BTD: variants seen among roughly 807,000 people sequenced by gnomAD.
BTD encodes biocytinase.
A neutral mutation model predicts 17.7 loss-of-function variants in BTD; 13 were observed. The ratio of observed to expected loss-of-function variants is 0.74; its 90% CI spans 0.48 to 1.17. The LOEUF (loss-of-function observed/expected upper bound fraction) is 1.17, where lower values mean the gene tolerates loss of function less well. Ranked by LOEUF, BTD falls within the 50% of genes most tolerant of loss-of-function variation. BTD has a pLI of 0.00. For missense variants in BTD, 674 were observed against 650.4 expected, an observed-to-expected ratio of 1.04 and a Z score of -0.39; for synonymous variants, 240 against 245.2, an observed-to-expected ratio of 0.98 and a Z score of 0.20.
chr3:15,687,931 C>A (rs1270715598), intron 3 of BTD, among the ~76,000 whole-genome samples: 1 of 152,138 alleles, frequency 6.6e-6, no homozygotes, highest in Non-Finnish European at 1.5e-5. Flanking sequence ...GACTGGTAAA[C>A]CTCCAGGAAA....
Position 15,712,088 on chromosome 3 carries a change from A to C in BTD, c.*2014A>C. On this transcript the variant is annotated 3_prime_UTR_variant, in exon 4 of 4. Transcript: ENST00000672141. ...AAAAGCAGGATAGAGACCATCTAAA[A>C]ATTTTGAGGGGTTTGAGGAGACATA... The C allele has an allele frequency of 2.8e-6, 4 of 1,420,280 alleles. No individual in the cohort carries two copies. In the South Asian group the frequency reaches 3.7e-5, roughly 13 times the overall value. The allele number at this position is 1,420,280 out of a possible 1,614,324, so 88.0% of individuals were successfully genotyped here. A position where few individuals can be genotyped will look rare whatever the true frequency, so the allele number is the denominator to read the frequency against.
Position 15,611,199 on chromosome 3 carries a change from T to C in BTD, c.-17+9305T>C, listed in dbSNP as rs1423478160. On this transcript the variant is annotated intron_variant, in intron 1 of 3. Coordinates refer to ENST00000643237, the MANE Select transcript of BTD (RefSeq NM_001370658.1). ...CGTCCACACATGGGCCAAAGCAATT[T>C]AAATAGGAGTCACTGGGCAGGGCTT... Among the ~76,000 whole-genome samples the C allele has an allele frequency of 2.0e-5, 3 of 152,128 alleles. No individual in the cohort carries two copies. The East Asian group carries it at 5.8e-4, about 29-fold the overall frequency.
At position 15,645,760 on chromosome 3, in the gene BTD, T is replaced by C; in HGVS notation, c.*272T>C. The C allele has an allele frequency of 2.3e-6, 1 of 443,392 alleles. No individual in the cohort carries two copies. Among genetic ancestry groups the C allele is most frequent in the East Asian group, 4.0e-5 (1 of 25,114 alleles). The allele number at this position is 443,392 out of a possible 1,614,324, so 27.5% of individuals were successfully genotyped here. A position where few individuals can be genotyped will look rare whatever the true frequency, so the allele number is the denominator to read the frequency against. On this transcript the variant is annotated 3_prime_UTR_variant, in exon 4 of 4. Coordinates refer to ENST00000643237, the MANE Select transcript of BTD (RefSeq NM_001370658.1). ...CATCTTCCTCTAACAAATCTCTCAG[T>C]ATGCGATTGGTCTCAAGCTAAAACA...
intron 1 of BTD, among the ~76,000 whole-genome samples, chr3:15,606,042 C>CAA (rs11369757): frequency 0.016 from 1,037 of 64,268 alleles, 48 homozygotes; most frequent in African/African-American, 0.042. Flanking sequence ...GACCCTGTCT[C>CAA]AAAAAAAAAA....
intron 3 of BTD, among the ~76,000 whole-genome samples, chr3:15,671,589 GT>G (rs1266007505): frequency 7.5e-4 from 100 of 133,890 alleles, no homozygotes; most frequent in Non-Finnish European, 8.1e-4. Context: ...TTTTTTTTTT[GT>G]TTTTTTTTTT....
chr3:15,683,100 G>A (rs930729673), intron 3 of BTD, among the ~76,000 whole-genome samples: 9 of 152,100 alleles, frequency 5.9e-5, no homozygotes, highest in African/African-American at 2.2e-4. Context: ...CTCTCCAAAG[G>A]ACAGTTACAG....
chr3:15,658,092 G>A (rs370055783), downstream of BTD, among the ~76,000 whole-genome samples: 129 of 151,796 alleles, frequency 8.5e-4, 1 homozygote, highest in Admixed American at 4.9e-3. Flanking sequence ...CGCTTGAACC[G>A]GGGAGGTGGA....
At chr3:15,711,148 T>C in exon 4 of BTD, 1 of 1,360,358 alleles carries the variant, frequency 7.4e-7, no homozygotes, top group Non-Finnish European at 1.0e-6. Flanking sequence ...AGAACAAAGA[T>C]AAGAGAAAAC....
chr3:15,644,652 G>C lies in BTD; in HGVS notation c.736G>C (p.Val246Leu), dbSNP rs1183498943. The change falls in exon 4 of 4, where the codon GTT becomes CTT. Residue 246 changes from valine to leucine, a missense_variant. Transcript: ENST00000643237. ...RVLRDYKVKH[V>L]VYPTAWMNQL... Reference sequence around the variant, plus strand: ...CCTCAGAGACTACAAGGTGAAGCATGTTGTGTACCCAACTGCCTGGATGAA... The same window carrying C: ...CCTCAGAGACTACAAGGTGAAGCATCTTGTGTACCCAACTGCCTGGATGAA... 12 of 1,614,054 alleles carry C rather than the reference G, an allele frequency of 7.4e-6. No individual in the cohort carries two copies. The highest frequency in any genetic ancestry group is 1.7e-5 in the Admixed American group (1 of 59,992).
intron 4 of BTD, among the ~76,000 whole-genome samples, chr3:15,721,349 T>G (rs565741532): frequency 2.0e-5 from 3 of 152,314 alleles, no homozygotes; most frequent in African/African-American, 7.2e-5. Flanking sequence ...GGGAATATAA[T>G]TCACATACAC....
intron 3 of BTD, among the ~76,000 whole-genome samples, chr3:15,664,475 G>C (rs985422408): frequency 6.6e-6 from 1 of 152,160 alleles, no homozygotes; most frequent in African/African-American, 2.4e-5. Flanking sequence ...ACATGACCAA[G>C]GCTGTTGGTC....
intron 1 of BTD, among the ~76,000 whole-genome samples, chr3:15,622,093 T>C (rs1452380108): frequency 6.6e-6 from 1 of 152,192 alleles, no homozygotes; most frequent in African/African-American, 2.4e-5. Context: ...TTTCTTGATC[T>C]TTTCAAAGAA....
intron 1 of BTD, among the ~76,000 whole-genome samples, chr3:15,605,929 G>A (rs1396750752): frequency 6.6e-6 from 1 of 151,200 alleles, no homozygotes; most frequent in Admixed American, 6.6e-5. Flanking sequence ...TGTAATCCCA[G>A]CTATTCGGGA....
intron 3 of BTD, among the ~76,000 whole-genome samples, chr3:15,693,154 A>G (rs886837438): frequency 6.6e-6 from 1 of 152,234 alleles, no homozygotes; most frequent in Non-Finnish European, 1.5e-5. Flanking sequence ...AACCTTTACA[A>G]GATAAAAAGA....
chr3:15,669,066 T>G (rs940740505), intron 3 of BTD: 3 of 152,382 alleles, frequency 2.0e-5, no homozygotes, highest in African/African-American at 7.2e-5. Context: ...AGGCAACTGC[T>G]TCTCTCTCCA....
chr3:15,670,146 T>C, intron 3 of BTD: 1 of 1,109,064 alleles, frequency 9.0e-7, no homozygotes, highest in South Asian at 1.7e-5. Flanking sequence ...TCAGATCTCT[T>C]AACATTGGCT....
rs182176210 is a variant in BTD at position 15,693,167 on chromosome 3, C to G, written c.400-16893C>G. Among the ~76,000 whole-genome samples, 499 of 152,202 alleles carry G rather than the reference C, an allele frequency of 3.3e-3. 1 individual carries two copies. Among genetic ancestry groups the G allele is most frequent in the Non-Finnish European group, 4.9e-3 (330 of 68,000 alleles). On this transcript the variant is annotated intron_variant, in intron 3 of 3. Transcript: ENST00000672141. Reference sequence around the variant, plus strand: ...TTAACCTTTACAAGATAAAAAGATTCTGGAGATTGGTTGTACAGTAATGTA... The same window carrying G: ...TTAACCTTTACAAGATAAAAAGATTGTGGAGATTGGTTGTACAGTAATGTA...
chr3:15,632,409 G>A (rs2065236133), intron 1 of BTD, among the ~76,000 whole-genome samples: 1 of 152,162 alleles, frequency 6.6e-6, no homozygotes, highest in Admixed American at 6.5e-5. Context: ...CCTGGAAGTG[G>A]GGTTCAGTAC....
chr3:15,668,306 C>T (rs932061559), intron 3 of BTD: 15 of 151,582 alleles, frequency 9.9e-5, no homozygotes, highest in African/African-American at 3.6e-4. Flanking sequence ...AAGAGAATTC[C>T]TAAAAGGAAA....
Sources: allele counts gnomAD v4.1 joint callset (sites outside exome capture counted in the v4.1 genomes callset), GRCh38; gene constraint gnomAD v4.1.1; transcripts MANE v1.5; gene names NCBI Gene and HGNC (gene_info 2026-07-23, HGNC 2026-07-21).